Variants in MAD1L1 observed in about 807,000 individuals in gnomAD.
MAD1L1 encodes the protein mitotic spindle assembly checkpoint protein MAD1.
MAD1L1 carries 95 observed loss-of-function variants against 96.9 expected under a neutral mutation model. The ratio of observed to expected loss-of-function variants is 0.98; its 90% CI spans 0.83 to 1.16. The LOEUF (loss-of-function observed/expected upper bound fraction) is 1.16. Among genes scored for constraint, MAD1L1 ranks in the 50% most tolerant of loss-of-function variants. The pLI is 0.00. For missense variants in MAD1L1, 1,007 were observed against 954.4 expected, an observed-to-expected ratio of 1.06 and a Z score of -0.73; for synonymous variants, 473 against 396.6, an observed-to-expected ratio of 1.19 and a Z score of -2.29.
rs73032342 is a variant in MAD1L1 at position 2,087,814 on chromosome 7, T to A, written c.1074-18476A>T. ...AGCGCCAACTGTATGTTTAGAGAGATCCTGCCTGTCCACAGAGAACAGCTT... is the reference window on the plus strand; with the variant it reads ...AGCGCCAACTGTATGTTTAGAGAGAACCTGCCTGTCCACAGAGAACAGCTT... On this transcript the variant is annotated intron_variant, in intron 11 of 18. Coordinates refer to ENST00000265854, the MANE Select transcript of MAD1L1 (RefSeq NM_001013836.2). 7.7e-3 allele frequency among the ~76,000 whole-genome samples: 1,176 copies of A among 152,210 alleles called. 6 individuals are homozygous for A. The highest frequency in any genetic ancestry group is 0.013 in the Non-Finnish European group (870 of 68,008).
chr7:2,059,511 G>A (rs886527619), intron 12 of MAD1L1, among the ~76,000 whole-genome samples: 3 of 151,624 alleles, frequency 2.0e-5, no homozygotes, highest in African/African-American at 4.9e-5. Flanking sequence ...AAGGTGCGGG[G>A]CTGGAAAGGG....
At chr7:2,008,772 G>C (rs1562602757) in intron 13 of MAD1L1, among the ~76,000 whole-genome samples, 1 of 43,976 alleles carries the variant, frequency 2.3e-5, no homozygotes, top group Non-Finnish European at 6.1e-5. Context: ...AGGAAGCTCA[G>C]GGGGGGAAGG....
At chr7:1,892,888 C>A (rs536315047) in intron 18 of MAD1L1, among the ~76,000 whole-genome samples, 2 of 152,348 alleles carry the variant, frequency 1.3e-5, no homozygotes, top group South Asian at 4.1e-4. Context: ...GTGTCCCCGG[C>A]CTGGTCACTC....
chr7:2,140,000 C>A (rs1276940072), intron 11 of MAD1L1, among the ~76,000 whole-genome samples: 2 of 151,364 alleles, frequency 1.3e-5, no homozygotes, highest in Admixed American at 6.6e-5. Context: ...CGCCCCCCCC[C>A]AGTCCCTGCC....
chr7:1,951,741 A>C (rs1176393654), intron 16 of MAD1L1, among the ~76,000 whole-genome samples: 4 of 152,088 alleles, frequency 2.6e-5, no homozygotes, highest in African/African-American at 7.2e-5. Flanking sequence ...CCTCAGGTCC[A>C]TCCATGCTGC....
rs576108941 is a variant in MAD1L1, at chr7:1,945,601, G to C, written c.1597-8704C>G. Among the ~76,000 whole-genome samples, 4 of 152,356 alleles carry C rather than the reference G, an allele frequency of 2.6e-5. No individual in the cohort carries two copies. In the East Asian group the frequency reaches 5.8e-4, roughly 22 times the overall value. ...CCCACCCTGGAGATGAAGGGAAGGA[G>C]GGTGAGGGCAGCGGCCATCTGCAGA... On this transcript the variant is annotated intron_variant, in intron 16 of 18. Coordinates refer to ENST00000265854, the MANE Select transcript of MAD1L1 (RefSeq NM_001013836.2).
chr7:1,945,709 C>G (rs890200463), intron 16 of MAD1L1, among the ~76,000 whole-genome samples: 1 of 152,234 alleles, frequency 6.6e-6, no homozygotes, highest in Non-Finnish European at 1.5e-5. Context: ...AACGGTCATG[C>G]AGCACTCACG....
rs1398018195 is a variant in MAD1L1 at position 1,816,300 on chromosome 7, A to C, written c.1999-72T>G. 5 of 1,474,854 alleles carry C rather than the reference A, an allele frequency of 3.4e-6. No homozygotes were observed. The East Asian group carries it at 6.8e-5, about 20-fold the overall frequency. The allele number at this position is 1,474,854 out of a possible 1,614,324, so 91.4% of individuals were successfully genotyped here. A position where few individuals can be genotyped will look rare whatever the true frequency, so the allele number is the denominator to read the frequency against. On this transcript the variant is annotated intron_variant, in intron 18 of 18. Coordinates refer to ENST00000265854, the MANE Select transcript of MAD1L1 (RefSeq NM_001013836.2). ...GCCTCTCCCTCTCCCCTCCCTCCCT[A>C]CACAGCCCCTCCAGCCATGGGGGCT...
At chr7:1,958,981 G>A (rs185773745) in intron 15 of MAD1L1, among the ~76,000 whole-genome samples, 94 of 152,356 alleles carry the variant, frequency 6.2e-4, no homozygotes, top group African/African-American at 2.1e-3. Flanking sequence ...GCCAGGCACG[G>A]TGGCTCACGC....
chr7:2,047,547 A>T (rs1412076521), intron 12 of MAD1L1, among the ~76,000 whole-genome samples: 1 of 152,218 alleles, frequency 6.6e-6, no homozygotes, highest in Non-Finnish European at 1.5e-5. Context: ...GCTGTTTAAT[A>T]ACTATCACAA....
intron 12 of MAD1L1, among the ~76,000 whole-genome samples, chr7:2,015,835 G>A (rs911958842): frequency 1.1e-4 from 16 of 152,232 alleles, no homozygotes; most frequent in African/African-American, 3.9e-4. Flanking sequence ...TAGATTCAGG[G>A]TGGGCCTGGG....
At chr7:2,145,552 T>G (rs1429813035) in intron 11 of MAD1L1, among the ~76,000 whole-genome samples, 2 of 152,242 alleles carry the variant, frequency 1.3e-5, no homozygotes, top group African/African-American at 4.8e-5. Context: ...GAAAATTCCT[T>G]CTTGCTCCAG....
chr7:1,860,816 G>A (rs757743797), intron 18 of MAD1L1, among the ~76,000 whole-genome samples: 179 of 152,192 alleles, frequency 1.2e-3, no homozygotes, highest in Non-Finnish European at 3.8e-4. Flanking sequence ...TGAGCATCCC[G>A]AGCACAAGGG....
chr7:2,225,064 GC>G (rs1313614294), intron 4 of MAD1L1, among the ~76,000 whole-genome samples: 1 of 152,202 alleles, frequency 6.6e-6, no homozygotes, highest in African/African-American at 2.4e-5. Context: ...AACAGACACA[GC>G]AAGTGTTCCC....
At chr7:1,901,727 C>G (rs1787257952) in intron 17 of MAD1L1, among the ~76,000 whole-genome samples, 2 of 152,168 alleles carry the variant, frequency 1.3e-5, no homozygotes, top group South Asian at 4.1e-4. Context: ...CTACCCCAGG[C>G]TTAGAGCCAA....
chr7:1,833,374 C>A (rs1782799156), intron 18 of MAD1L1, among the ~76,000 whole-genome samples: 1 of 152,062 alleles, frequency 6.6e-6, no homozygotes, highest in Non-Finnish European at 1.5e-5. Context: ...ATAAAAGCGT[C>A]CATTTATATA....
intron 18 of MAD1L1, among the ~76,000 whole-genome samples, chr7:1,854,088 C>T (rs1031156030): frequency 6.6e-6 from 1 of 152,220 alleles, no homozygotes; most frequent in Non-Finnish European, 1.5e-5. Flanking sequence ...TACATTTATC[C>T]ACCCCATCCA....
At chr7:1,977,513 C>T (rs1019896236) in intron 15 of MAD1L1, among the ~76,000 whole-genome samples, 3 of 152,234 alleles carry the variant, frequency 2.0e-5, no homozygotes, top group East Asian at 3.9e-4. Context: ...CACACCTCCC[C>T]GCAAGCAGAG....
chr7:2,171,430 C>T (rs190013198), intron 10 of MAD1L1, among the ~76,000 whole-genome samples: 5 of 152,316 alleles, frequency 3.3e-5, no homozygotes, highest in Admixed American at 3.3e-4. Context: ...AAGTGCTTGG[C>T]GGATTACAGC....
Sources: allele counts gnomAD v4.1 joint callset (sites outside exome capture counted in the v4.1 genomes callset), GRCh38; gene constraint gnomAD v4.1.1; transcripts MANE v1.5; gene names NCBI Gene and HGNC (gene_info 2026-07-23, HGNC 2026-07-21).